PRKG1: variants seen among roughly 807,000 people sequenced by gnomAD.
PRKG1 encodes the protein protein kinase cGMP-dependent 1.
PRKG1 carries 35 observed loss-of-function variants against 88.1 expected under a neutral mutation model. The ratio of observed to expected loss-of-function variants is 0.40; its 90% CI spans 0.30 to 0.53. PRKG1 has a LOEUF of 0.53. Among genes scored for constraint, PRKG1 ranks in the 20% least tolerant of loss-of-function variants. The pLI is 0.59. For synonymous variants in PRKG1, 303 were observed against 292.5 expected (o/e 1.04, Z -0.37); for missense variants, 540 against 839.8 (o/e 0.64, Z 4.41).
intron 3 of PRKG1, among the ~76,000 whole-genome samples, chr10:51,472,872 G>A (rs1282037515): frequency 1.3e-5 from 2 of 151,880 alleles, no homozygotes; most frequent in Non-Finnish European, 2.9e-5. Context: ...AAGTTGAAGA[G>A]AAGCATGTTT....
chr10:51,049,146 A>T (rs1843530393), intron 1 of PRKG1, among the ~76,000 whole-genome samples: 1 of 152,160 alleles, frequency 6.6e-6, no homozygotes, highest in South Asian at 2.1e-4. Context: ...AAACATCACA[A>T]GTCATGGCTG....
intron 3 of PRKG1, among the ~76,000 whole-genome samples, chr10:51,760,295 GATAA>G (rs1837984737): frequency 1.3e-5 from 2 of 152,238 alleles, no homozygotes; most frequent in Admixed American, 1.3e-4. Flanking sequence ...CAGTAAGCAT[GATAA>G]ATAACCCGGA....
At chr10:51,661,684 A>T (rs917529197) in intron 3 of PRKG1, among the ~76,000 whole-genome samples, 2 of 152,206 alleles carry the variant, frequency 1.3e-5, no homozygotes, top group Non-Finnish European at 2.9e-5. Context: ...TTCCTCAAGG[A>T]TCTAGAACTA....
chr10:52,094,776 A>G (rs1469414975), intron 7 of PRKG1, among the ~76,000 whole-genome samples: 14 of 152,088 alleles, frequency 9.2e-5, no homozygotes, highest in Non-Finnish European at 7.4e-5. Flanking sequence ...CTTCTCTTAT[A>G]AGGACATTAA....
intron 2 of PRKG1, among the ~76,000 whole-genome samples, chr10:51,424,737 G>C (rs1230296563): frequency 2.6e-5 from 4 of 151,910 alleles, no homozygotes; most frequent in African/African-American, 9.7e-5. Flanking sequence ...ATATTTCAAG[G>C]GTGCTTTAAG....
intron 1 of PRKG1, among the ~76,000 whole-genome samples, chr10:51,035,547 A>C (rs1843342121): frequency 6.6e-6 from 1 of 152,208 alleles, no homozygotes; most frequent in African/African-American, 2.4e-5. Context: ...GCATGCCTGC[A>C]TTCCAGTGCT....
At chr10:51,578,979 G>GT (rs1837957732) in intron 3 of PRKG1, among the ~76,000 whole-genome samples, 1 of 104,842 alleles carries the variant, frequency 9.5e-6, no homozygotes, top group South Asian at 3.3e-4. Flanking sequence ...AAGTTCTGTT[G>GT]GTTTTTTTTT....
intron 3 of PRKG1, among the ~76,000 whole-genome samples, chr10:51,694,037 G>A (rs1045071476): frequency 3.9e-5 from 6 of 151,950 alleles, no homozygotes; most frequent in South Asian, 2.1e-4. Context: ...AATGATGTCC[G>A]TAATATGAAT....
chr10:51,983,007 GCCTCTTTGTGTGCTGCGGGC>G (rs1844052958), intron 5 of PRKG1, among the ~76,000 whole-genome samples: 1 of 152,078 alleles, frequency 6.6e-6, no homozygotes, highest in African/African-American at 2.4e-5. Context: ...GGCACTGGTG[GCCTCTTTGTGTGCTGCGGGC>G]CCTCTTTGTG....
intron 3 of PRKG1, among the ~76,000 whole-genome samples, chr10:51,671,572 T>TTCTCTCTCTC (rs775680768): frequency 8.2e-4 from 124 of 151,086 alleles, no homozygotes; most frequent in African/African-American, 3.0e-3. Context: ...GTGCCTCTTC[T>TTCTCTCTCTC]TCTCTCTCTC....
chr10:51,325,708 T>G (rs2132517925), intron 2 of PRKG1, among the ~76,000 whole-genome samples: 1 of 152,324 alleles, frequency 6.6e-6, no homozygotes, highest in Admixed American at 6.5e-5. Flanking sequence ...TCCTATAACG[T>G]TTCTCCAATA....
At chr10:51,625,722 T>TA (rs1839319473) in intron 3 of PRKG1, among the ~76,000 whole-genome samples, 1 of 148,056 alleles carries the variant, frequency 6.8e-6, no homozygotes, top group African/African-American at 2.5e-5. Context: ...CTGTTAAGAT[T>TA]TAAAAAAAAA....
intron 4 of PRKG1, among the ~76,000 whole-genome samples, chr10:51,879,241 T>A (rs1841377789): frequency 1.3e-5 from 2 of 152,208 alleles, no homozygotes; most frequent in African/African-American, 4.8e-5. Flanking sequence ...CATTTTATCC[T>A]TTGATTAGTT....
chr10:51,349,864 C>T (rs1420734675), intron 2 of PRKG1, among the ~76,000 whole-genome samples: 1 of 151,832 alleles, frequency 6.6e-6, no homozygotes, highest in Non-Finnish European at 1.5e-5. Flanking sequence ...CAGTGGAGTA[C>T]CAAGAAATAA....
intron 9 of PRKG1, among the ~76,000 whole-genome samples, chr10:52,167,858 C>T (rs545704027): frequency 6.6e-6 from 1 of 152,142 alleles, no homozygotes; most frequent in Non-Finnish European, 1.5e-5. Flanking sequence ...TATGTAAATG[C>T]ACTTAGTTTT....
At chr10:51,007,771 C>T (rs1159431034) in intron 1 of PRKG1, among the ~76,000 whole-genome samples, 2 of 152,112 alleles carry the variant, frequency 1.3e-5, no homozygotes, top group Non-Finnish European at 2.9e-5. Flanking sequence ...GAGACAAAGT[C>T]AAATTTAAAA....
chr10:51,921,768 A>C (rs922169451), intron 5 of PRKG1, among the ~76,000 whole-genome samples: 1 of 152,012 alleles, frequency 6.6e-6, no homozygotes, highest in African/African-American at 2.4e-5. Flanking sequence ...AATACTACGT[A>C]GTCATGGTAT....
chr10:51,408,105 A>G (rs973685616), intron 2 of PRKG1, among the ~76,000 whole-genome samples: 1 of 152,154 alleles, frequency 6.6e-6, no homozygotes, highest in Non-Finnish European at 1.5e-5. Flanking sequence ...TGCCACTTCC[A>G]CTTCCACCCC....
chr10:51,217,918 T>C (rs545351548), intron 2 of PRKG1, among the ~76,000 whole-genome samples: 3 of 152,304 alleles, frequency 2.0e-5, no homozygotes, highest in Non-Finnish European at 2.9e-5. Context: ...AAATTCCTCC[T>C]TTCTTTCAGT....
Sources: gnomAD v4.1 joint callset for allele counts (sites outside exome capture counted in the v4.1 genomes callset) on GRCh38, gnomAD v4.1.1 for gene constraint, MANE v1.5 for transcripts, NCBI Gene and HGNC (gene_info 2026-07-23, HGNC 2026-07-21) for gene names.